RIN2: variants seen among roughly 807,000 people sequenced by gnomAD.
RIN2 encodes the protein Ras and Rab interactor 2.
A neutral mutation model predicts 78.0 loss-of-function variants in RIN2; 36 were observed. That is an observed-to-expected ratio of 0.46 (90% CI 0.35 to 0.61). RIN2 has a LOEUF of 0.61. RIN2 is among the 20% of genes least tolerant of loss of function. The pLI is 0.00. For missense variants in RIN2, 1,087 were observed against 1,159.7 expected, an observed-to-expected ratio of 0.94 and a Z score of 0.91; for synonymous variants, 466 against 466.8, an observed-to-expected ratio of 1.00 and a Z score of 0.02.
chr20:19,909,766 G>T lies in RIN2; in HGVS notation c.57+20108G>T, dbSNP rs112735199. ...GCAGAGCTAGTTTCAGGCCAGGTCT[G>T]TGTGGTTTCCAGGGCTCATCAGTAA... On this transcript the variant is annotated intron_variant, in intron 3 of 12. Transcript: ENST00000255006. Among the ~76,000 whole-genome samples the T allele has an allele frequency of 8.9e-3, 1,349 of 152,362 alleles. 25 individuals are homozygous for T. The highest frequency in any genetic ancestry group is 0.031 in the African/African-American group (1,273 of 41,582).
rs539927046 is a variant in RIN2, at chr20:19,766,193, G to A, written c.-163+7866G>A. 2.0e-5 allele frequency among the ~76,000 whole-genome samples: 3 copies of A among 152,218 alleles called. No homozygotes were observed. In the South Asian group the frequency reaches 6.2e-4, roughly 32 times the overall value. ...ATTCCTGCCTTAACAGATGGTGTGT[G>A]TTTCGTATGACAAACACTGTCTCTG... On this transcript the variant is annotated intron_variant, in intron 1 of 12. Transcript: ENST00000255006.
intron 3 of RIN2, among the ~76,000 whole-genome samples, chr20:19,931,534 TTTG>T (rs770598895): frequency 1.4e-4 from 22 of 152,318 alleles, no homozygotes; most frequent in Non-Finnish European, 2.8e-4. Flanking sequence ...TATTTGTTAA[TTTG>T]TTATGTCATA....
intron 4 of RIN2, among the ~76,000 whole-genome samples, chr20:19,938,990 C>T (rs199544): frequency 6.6e-6 from 1 of 152,158 alleles, no homozygotes; most frequent in Non-Finnish European, 1.5e-5. Context: ...AATGGTGCCT[C>T]TATTCCTGTC....
chr20:19,956,722 G>A lies in RIN2; in HGVS notation c.266G>A (p.Arg89Gln), dbSNP rs761674309. 124 of 1,610,568 alleles carry A rather than the reference G, an allele frequency of 7.7e-5. No individual in the cohort carries two copies. The highest frequency in any genetic ancestry group is 9.8e-5 in the Non-Finnish European group (116 of 1,178,624). Reference protein sequence around the residue: ...SLSNRLSILDRLLHTHPIWLQ... With the variant: ...SLSNRLSILDQLLHTHPIWLQ... ...TCCAACAGGCTCAGCATCTTGGACC[G>A]GCTCCTCCACACCCACCCCATATGG... Residue 89 changes from arginine (R) to glutamine (Q), a missense_variant, in exon 5 of 13, where the codon CGG becomes CAG. Physicochemically the swap from Arg to Gln is conservative, Grantham distance 43 (BLOSUM62 1). This residue lies in a region of RIN2 where 706 missense variants were observed against 667.5 expected (regional missense o/e 1.06). Transcript: ENST00000255006.
At chr20:19,933,552 T>C (rs1186084543) in intron 3 of RIN2, among the ~76,000 whole-genome samples, 1 of 152,248 alleles carries the variant, frequency 6.6e-6, no homozygotes, top group East Asian at 1.9e-4. Flanking sequence ...CTCATCTCCA[T>C]GAGAACTGAG....
At chr20:19,881,018 C>T (rs1242344113) in intron 2 of RIN2, among the ~76,000 whole-genome samples, 1 of 152,198 alleles carries the variant, frequency 6.6e-6, no homozygotes, top group Non-Finnish European at 1.5e-5. Context: ...AATGTGGTTT[C>T]ATGGATAAAG....
intron 1 of RIN2, among the ~76,000 whole-genome samples, chr20:19,790,349 G>A (rs1055462594): frequency 2.6e-5 from 4 of 152,092 alleles, no homozygotes; most frequent in African/African-American, 9.7e-5. Flanking sequence ...TATTAATTAG[G>A]GGGCAGCTAT....
intron 2 of RIN2, among the ~76,000 whole-genome samples, chr20:19,829,622 G>T (rs1229623855): frequency 6.6e-6 from 1 of 152,150 alleles, no homozygotes; most frequent in African/African-American, 2.4e-5. Context: ...CTAGAGAATC[G>T]CCTCTAGCTG....
At chr20:19,927,563 T>C (rs967736582) in intron 3 of RIN2, among the ~76,000 whole-genome samples, 1 of 151,798 alleles carries the variant, frequency 6.6e-6, no homozygotes, top group African/African-American at 2.4e-5. Flanking sequence ...TACAGGTGCA[T>C]GCCGCCATGC....
chr20:19,783,095 G>A (rs1409216619), intron 1 of RIN2, among the ~76,000 whole-genome samples: 3 of 152,194 alleles, frequency 2.0e-5, no homozygotes, highest in Non-Finnish European at 2.9e-5. Context: ...GTGGTGGGTG[G>A]GAGTCTATAA....
chr20:19,820,046 A>G (rs949465375), intron 2 of RIN2, among the ~76,000 whole-genome samples: 3 of 152,240 alleles, frequency 2.0e-5, no homozygotes, highest in Non-Finnish European at 4.4e-5. Context: ...TTAAAATAAA[A>G]CAATGGCATT....
intron 1 of RIN2, among the ~76,000 whole-genome samples, chr20:19,767,700 G>A (rs950257292): frequency 5.9e-5 from 9 of 151,990 alleles, no homozygotes; most frequent in Non-Finnish European, 1.2e-4. Context: ...TAAGGCGGGT[G>A]GATCACCTGA....
rs910169617 is a variant in RIN2 at position 19,960,260 on chromosome 20, A to T, written c.352-440A>T. On this transcript the variant is annotated intron_variant, in intron 5 of 12. Transcript: ENST00000255006. ...TTAAATTTCTATTGTAAATATCCTCATAAGCCAAGTTAACCAATGAAATGC... is the reference window on the plus strand; with the variant it reads ...TTAAATTTCTATTGTAAATATCCTCTTAAGCCAAGTTAACCAATGAAATGC... Among the ~76,000 whole-genome samples, 2 of 152,368 alleles carry T rather than the reference A, an allele frequency of 1.3e-5. 1 individual carries two copies. The highest frequency in any genetic ancestry group is 1.3e-4 in the Admixed American group (2 of 15,306).
At chr20:19,757,724 G>C (rs1361781543), upstream of RIN2, 1 of 152,310 alleles carries the variant, frequency 6.6e-6, no homozygotes, top group Non-Finnish European at 1.5e-5. Flanking sequence ...GGAGGGGCTC[G>C]TTATGGGAAA....
chr20:19,895,392 C>A (rs541082653), intron 3 of RIN2, among the ~76,000 whole-genome samples: 1 of 152,146 alleles, frequency 6.6e-6, no homozygotes, highest in South Asian at 2.1e-4. Flanking sequence ...TACCGGCATA[C>A]CTTTGGGCTT....
Position 19,974,561 on chromosome 20 carries a change from G to A in RIN2, c.629-93G>A, listed in dbSNP as rs1365255175. ...CCCCCTACCCCACCCCGCAAGACTC[G>A]CGTTGTCATGCAGTGTGCTTTTTTT... On this transcript the variant is annotated intron_variant, in intron 8 of 12. Coordinates refer to ENST00000255006, the MANE Select transcript of RIN2 (RefSeq NM_018993.4). The A allele has an allele frequency of 6.3e-6, 8 of 1,262,700 alleles. No individual in the cohort carries two copies. In the African/African-American group the frequency reaches 7.5e-5, roughly 12 times the overall value. 78.2% of individuals were successfully genotyped at this position (1,262,700 alleles called of 1,614,324 possible). A position where few individuals can be genotyped will look rare whatever the true frequency, so the allele number is the denominator to read the frequency against.
rs756415149 is a variant in RIN2, at chr20:19,996,851, C to T, written c.2364+9C>T. 2.5e-6 allele frequency: 4 copies of T among 1,571,062 alleles called. No individual in the cohort carries two copies. The highest frequency in any genetic ancestry group is 3.5e-6 in the Non-Finnish European group (4 of 1,156,358). ...CTGTGGACGACTTCCAGGTGTGCAG[C>T]TGGCCACCCCTTTGCTTCCTTCGTC... On this transcript the variant is annotated intron_variant, in intron 12 of 12. Transcript: ENST00000255006.
chr20:19,787,486 A>T (rs1188457411), intron 1 of RIN2, among the ~76,000 whole-genome samples: 1 of 148,364 alleles, frequency 6.7e-6, no homozygotes, highest in African/African-American at 2.5e-5. Flanking sequence ...GCGGGGCTAG[A>T]GGGAGAAGAT....
intron 2 of RIN2, among the ~76,000 whole-genome samples, chr20:19,816,052 G>C (rs2035757145): frequency 6.6e-6 from 1 of 152,186 alleles, no homozygotes; most frequent in Non-Finnish European, 1.5e-5. Flanking sequence ...CTTGCCAGTG[G>C]CATATAAATA....
Sources: gnomAD v4.1 joint callset for allele counts (sites outside exome capture counted in the v4.1 genomes callset) on GRCh38, gnomAD v4.1.1 for gene constraint, gnomAD v4.1.1 regional missense constraint, MANE v1.5 for transcripts, NCBI Gene and HGNC (gene_info 2026-07-23, HGNC 2026-07-21) for gene names.